Variants in PRKG1 observed in about 807,000 individuals in gnomAD.
The protein encoded by PRKG1 is cGMP-dependent protein kinase 1.
In PRKG1, 35 loss-of-function variants were observed where a neutral mutation model predicts 88.1. The ratio of observed to expected loss-of-function variants is 0.40; its 90% CI spans 0.30 to 0.53. The LOEUF is 0.53. Among genes scored for constraint, PRKG1 ranks in the 20% least tolerant of loss-of-function variants. The pLI is 0.59. For missense variants in PRKG1, 540 were observed against 839.8 expected (o/e 0.64, Z 4.41); for synonymous variants, 303 against 292.5 (o/e 1.04, Z -0.37).
At chr10:51,728,196 A>G (rs75033474) in intron 3 of PRKG1, among the ~76,000 whole-genome samples, 1 of 151,490 alleles carries the variant, frequency 6.6e-6, no homozygotes, top group South Asian at 2.1e-4. Flanking sequence ...TAAATTTGAG[A>G]TTTTTTTTTA....
intron 2 of PRKG1, among the ~76,000 whole-genome samples, chr10:51,376,042 G>A (rs1481051696): frequency 2.0e-5 from 3 of 152,136 alleles, no homozygotes; most frequent in Non-Finnish European, 4.4e-5. Flanking sequence ...TTTGCAAACC[G>A]ACAAGAGGTT....
intron 3 of PRKG1, among the ~76,000 whole-genome samples, chr10:51,705,928 A>T (rs1445362090): frequency 6.6e-6 from 1 of 152,226 alleles, no homozygotes; most frequent in Non-Finnish European, 1.5e-5. Flanking sequence ...TTTCTATTTC[A>T]TAAGTAGTAC....
intron 9 of PRKG1, among the ~76,000 whole-genome samples, chr10:52,204,685 G>C (rs1382729794): frequency 6.6e-6 from 1 of 152,036 alleles, no homozygotes; most frequent in Admixed American, 6.6e-5. Context: ...CATCATCTTT[G>C]TAAACTGAGG....
intron 2 of PRKG1, among the ~76,000 whole-genome samples, chr10:51,346,936 T>A (rs1842125843): frequency 6.6e-6 from 1 of 152,120 alleles, no homozygotes; most frequent in African/African-American, 2.4e-5. Context: ...AGTAACAAAT[T>A]TATTTTACAG....
chr10:52,173,541 T>A (rs1838770379), intron 9 of PRKG1, among the ~76,000 whole-genome samples: 1 of 152,166 alleles, frequency 6.6e-6, no homozygotes, highest in African/African-American at 2.4e-5. Flanking sequence ...ACTATATGAA[T>A]TTAGATCTTT....
intron 1 of PRKG1, among the ~76,000 whole-genome samples, chr10:51,016,210 G>A (rs1289778132): frequency 6.6e-6 from 1 of 152,018 alleles, no homozygotes; most frequent in African/African-American, 2.4e-5. Context: ...AATTGACCCT[G>A]GGTCCCTCCT....
intron 3 of PRKG1, among the ~76,000 whole-genome samples, chr10:51,761,091 G>C (rs1301532809): frequency 1.3e-5 from 2 of 152,170 alleles, no homozygotes; most frequent in East Asian, 1.9e-4. Flanking sequence ...TCCAGTCTGG[G>C]TTATAGGGCG....
intron 2 of PRKG1, among the ~76,000 whole-genome samples, chr10:51,279,721 G>T: frequency 6.6e-6 from 1 of 152,044 alleles, no homozygotes; most frequent in East Asian, 1.9e-4. Flanking sequence ...TTTTCCATTT[G>T]CTGGGTAGAT....
At chr10:51,088,808 A>AT (rs200475991) in intron 1 of PRKG1, among the ~76,000 whole-genome samples, 49,515 of 136,956 alleles carry the variant, frequency 0.36, 10,369 homozygotes, top group African/African-American at 0.59. Flanking sequence ...ATTTAATATG[A>AT]TTTTTTTTTT....
chr10:51,114,042 A>G (rs1418974099), intron 1 of PRKG1, among the ~76,000 whole-genome samples: 1 of 151,044 alleles, frequency 6.6e-6, no homozygotes, highest in Non-Finnish European at 1.5e-5. Flanking sequence ...AGTTTAATTA[A>G]TTGATTTCCT....
intron 17 of PRKG1, among the ~76,000 whole-genome samples, chr10:52,293,500 A>T (rs1842315193): frequency 6.6e-6 from 1 of 152,178 alleles, no homozygotes; most frequent in Admixed American, 6.5e-5. Context: ...ACGCTACATG[A>T]TCACTCTTAT....
At chr10:51,606,284 T>C (rs985067563) in intron 3 of PRKG1, among the ~76,000 whole-genome samples, 1 of 152,218 alleles carries the variant, frequency 6.6e-6, no homozygotes, top group Non-Finnish European at 1.5e-5. Flanking sequence ...AGACAACCTA[T>C]GGATTTCAAG....
intron 2 of PRKG1, among the ~76,000 whole-genome samples, chr10:51,294,190 T>C (rs1295655240): frequency 1.3e-5 from 2 of 152,144 alleles, no homozygotes; most frequent in African/African-American, 4.8e-5. Context: ...TATTGATTGT[T>C]GTCGTTGCTC....
intron 3 of PRKG1, among the ~76,000 whole-genome samples, chr10:51,690,413 A>G (rs1228228692): frequency 2.0e-5 from 3 of 152,192 alleles, no homozygotes; most frequent in African/African-American, 4.8e-5. Flanking sequence ...AGGTTTTAAC[A>G]GGGAAATAAC....
At chr10:51,219,049 G>A (rs1385427667) in intron 2 of PRKG1, among the ~76,000 whole-genome samples, 3 of 151,488 alleles carry the variant, frequency 2.0e-5, no homozygotes, top group South Asian at 2.1e-4. Flanking sequence ...AGTTAGTGCA[G>A]CAGCAATTAA....
At chr10:51,354,141 G>T (rs1277705675) in intron 2 of PRKG1, among the ~76,000 whole-genome samples, 2 of 151,952 alleles carry the variant, frequency 1.3e-5, no homozygotes, top group African/African-American at 4.8e-5. Context: ...GAGAAGGATG[G>T]TTACAACGCT....
chr10:51,164,058 T>C (rs939730843), intron 2 of PRKG1, among the ~76,000 whole-genome samples: 17 of 152,202 alleles, frequency 1.1e-4, no homozygotes, highest in African/African-American at 3.4e-4. Context: ...TCTCCCAGCA[T>C]GCAGCTGGAG....
At chr10:51,444,461 A>C (rs1457023567) in intron 2 of PRKG1, among the ~76,000 whole-genome samples, 1 of 151,876 alleles carries the variant, frequency 6.6e-6, no homozygotes, top group African/African-American at 2.4e-5. Flanking sequence ...GGGTATACAG[A>C]TTTAAAGCTA....
intron 3 of PRKG1, among the ~76,000 whole-genome samples, chr10:51,556,545 TA>T (rs1837317153): frequency 6.6e-6 from 1 of 151,980 alleles, no homozygotes; most frequent in African/African-American, 2.4e-5. Flanking sequence ...CAGAATACTA[TA>T]TAGCCATGAA....
Sources: gnomAD v4.1 joint callset for allele counts (sites outside exome capture counted in the v4.1 genomes callset) on GRCh38, gnomAD v4.1.1 for gene constraint, MANE v1.5 for transcripts, NCBI Gene and HGNC (gene_info 2026-07-23, HGNC 2026-07-21) for gene names.